Variants in DNM3 observed in about 807,000 individuals in gnomAD.
The protein encoded by DNM3 is dynamin-3.
Under a neutral mutation model 101.6 loss-of-function variants are expected in DNM3, and 47 were observed. The ratio of observed to expected loss-of-function variants is 0.46; its 90% CI spans 0.37 to 0.59. DNM3 has a LOEUF of 0.59. Ranked by LOEUF, DNM3 falls within the 20% of genes least tolerant of loss-of-function variation. DNM3 has a pLI of 0.00. For missense variants in DNM3, 849 were observed against 1,085.7 expected (o/e 0.78, Z 3.06); for synonymous variants, 385 against 387.9 (o/e 0.99, Z 0.09).
intron 2 of DNM3, among the ~76,000 whole-genome samples, chr1:171,936,733 G>A (rs2041452012): frequency 6.6e-6 from 1 of 152,064 alleles, no homozygotes; most frequent in African/African-American, 2.4e-5. Context: ...ACATGACTTG[G>A]AATTTATTAG....
chr1:172,086,784 TTACTC>T (rs1476962348), intron 12 of DNM3, among the ~76,000 whole-genome samples: 2 of 152,036 alleles, frequency 1.3e-5, no homozygotes, highest in African/African-American at 4.8e-5. Context: ...AAGAGCTTCT[TTACTC>T]TATAGCACTG....
chr1:172,304,741 G>A (rs184298815), intron 15 of DNM3, among the ~76,000 whole-genome samples: 7 of 152,202 alleles, frequency 4.6e-5, no homozygotes, highest in Admixed American at 1.3e-4. Context: ...ACTCAAAACC[G>A]CTCAACTACA....
intron 15 of DNM3, among the ~76,000 whole-genome samples, chr1:172,304,267 A>G (rs1282552126): frequency 6.8e-6 from 1 of 147,800 alleles, no homozygotes; most frequent in African/African-American, 2.6e-5. Context: ...CTTTAAACCA[A>G]CAAAGATCAA....
At chr1:172,377,544 GATATATATCATATATATAT>G (rs201787892) in intron 17 of DNM3, among the ~76,000 whole-genome samples, 1,253 of 85,052 alleles carry the variant, frequency 0.015, 34 homozygotes, top group African/African-American at 0.072. Context: ...TGCTCTCATT[GATATATATCATATATATAT>G]ATATATATAT....
chr1:172,342,667 C>T (rs1351083861), intron 17 of DNM3, among the ~76,000 whole-genome samples: 1 of 152,004 alleles, frequency 6.6e-6, no homozygotes, highest in East Asian at 1.9e-4. Context: ...TACACCAAAC[C>T]CCCATGACAT....
At chr1:172,005,604 A>G (rs902003979) in intron 4 of DNM3, among the ~76,000 whole-genome samples, 1 of 152,046 alleles carries the variant, frequency 6.6e-6, no homozygotes, top group African/African-American at 2.4e-5. Context: ...CACCCTTTCA[A>G]AAAGCAGCCG....
At chr1:171,983,254 A>G (rs951276780) in intron 2 of DNM3, among the ~76,000 whole-genome samples, 3 of 152,004 alleles carry the variant, frequency 2.0e-5, no homozygotes, top group Non-Finnish European at 2.9e-5. Flanking sequence ...CAAGAGGTCG[A>G]GACCAGCCCA....
rs139209370 is a variant in DNM3, at chr1:171,946,474, G to A, written c.235+24653G>A. ...TTTGTGACAATGTCTATTTTGGTGTGGTGTGGTATTTGGGGAGACTGGGGA... is the reference window on the plus strand; with the variant it reads ...TTTGTGACAATGTCTATTTTGGTGTAGTGTGGTATTTGGGGAGACTGGGGA... On this transcript the variant is annotated intron_variant, in intron 2 of 20. Transcript: ENST00000627582. Among the ~76,000 whole-genome samples, 5 of 152,186 alleles carry A rather than the reference G, an allele frequency of 3.3e-5. No individual in the cohort carries two copies. In the East Asian group the frequency reaches 9.7e-4, roughly 29 times the overall value.
chr1:172,003,207 A>C (rs2046460752), intron 4 of DNM3, among the ~76,000 whole-genome samples: 1 of 152,018 alleles, frequency 6.6e-6, no homozygotes, highest in South Asian at 2.1e-4. Flanking sequence ...TGATGACTTT[A>C]GTGTTACAGA....
At chr1:172,118,734 C>T (rs1302042839) in intron 13 of DNM3, among the ~76,000 whole-genome samples, 1 of 152,164 alleles carries the variant, frequency 6.6e-6, no homozygotes, top group Non-Finnish European at 1.5e-5. Context: ...TGACGTTTCC[C>T]AGCCAGCAGG....
At chr1:172,394,097 T>C (rs1051058647) in intron 20 of DNM3, 1 of 152,242 alleles carries the variant, frequency 6.6e-6, no homozygotes, top group African/African-American at 2.4e-5. Flanking sequence ...CACAATTATT[T>C]CATTGGAGTG....
chr1:172,236,250 A>G (rs895253873), intron 14 of DNM3, among the ~76,000 whole-genome samples: 1 of 152,104 alleles, frequency 6.6e-6, no homozygotes, highest in Non-Finnish European at 1.5e-5. Flanking sequence ...CAGAGCAGCT[A>G]AGTGTTCTTT....
Position 172,196,994 on chromosome 1 carries a change from C to T in DNM3, c.1660-56579C>T, listed in dbSNP as rs1228782008. Among the ~76,000 whole-genome samples, 4 of 152,010 alleles carry T rather than the reference C, an allele frequency of 2.6e-5. No homozygotes were observed. In the East Asian group the frequency reaches 7.7e-4, roughly 29 times the overall value. ...TAAAATCTTTGCCTTTTCCTATGTC[C>T]AGGATAGCATTGCCTAGGTTGTATT... On this transcript the variant is annotated intron_variant, in intron 14 of 20. Transcript: ENST00000627582.
intron 10 of DNM3, among the ~76,000 whole-genome samples, chr1:172,056,621 C>T (rs2050651659): frequency 2.0e-5 from 3 of 151,992 alleles, no homozygotes; most frequent in Admixed American, 2.0e-4. Flanking sequence ...AACAGACCTG[C>T]AGCTGAGGGT....
chr1:171,901,908 C>T (rs2038390552), intron 1 of DNM3, among the ~76,000 whole-genome samples: 1 of 152,140 alleles, frequency 6.6e-6, no homozygotes, highest in African/African-American at 2.4e-5. Flanking sequence ...GTGCTTCTTA[C>T]ATAAATTGAT....
chr1:171,954,339 C>A (rs1370445350), intron 2 of DNM3, among the ~76,000 whole-genome samples: 1 of 152,126 alleles, frequency 6.6e-6, no homozygotes, highest in East Asian at 1.9e-4. Context: ...TGCAGTTTCT[C>A]CTTTGTGGTT....
intron 14 of DNM3, among the ~76,000 whole-genome samples, chr1:172,219,477 A>G (rs1021752193): frequency 6.6e-6 from 1 of 151,704 alleles, no homozygotes; most frequent in African/African-American, 2.4e-5. Flanking sequence ...CAGTAAAGTG[A>G]TCATTTTTAT....
chr1:172,418,299 TCCAGGACGA>T, exon 21 of DNM3: 1 of 1,289,644 alleles, frequency 7.8e-7, no homozygotes, highest in African/African-American at 1.5e-5. Flanking sequence ...CTCCTGCAGT[TCCAGGACGA>T]CCATCCTAAC....
intron 13 of DNM3, among the ~76,000 whole-genome samples, chr1:172,113,416 G>A (rs2055636163): frequency 1.3e-5 from 2 of 151,796 alleles, no homozygotes; most frequent in African/African-American, 2.4e-5. Flanking sequence ...GTCGGAGTTC[G>A]AGATCAGCCT....
Sources: allele counts gnomAD v4.1 joint callset (sites outside exome capture counted in the v4.1 genomes callset), GRCh38; gene constraint gnomAD v4.1.1; transcripts MANE v1.5; gene names NCBI Gene and HGNC (gene_info 2026-07-23, HGNC 2026-07-21).